The following DNAJB13 variants were observed in gnomAD, a reference collection of about 807,000 sequenced individuals.
DNAJB13 encodes DnaJ heat shock protein family (Hsp40) member B13, also known as dnaJ homolog subfamily B member 13.
Under a neutral mutation model 35.6 loss-of-function variants are expected in DNAJB13, and 22 were observed. The ratio of observed to expected loss-of-function variants is 0.62; its 90% CI spans 0.44 to 0.88. The LOEUF is 0.88. Among genes scored for constraint, DNAJB13 ranks in the 40% least tolerant of loss-of-function variants. The pLI, the probability that DNAJB13 is intolerant of heterozygous loss-of-function variation, is 0.00. For missense variants in DNAJB13, 370 were observed against 384.3 expected, an observed-to-expected ratio of 0.96 and a Z score of 0.31; for synonymous variants, 136 against 144.2, an observed-to-expected ratio of 0.94 and a Z score of 0.41.
At chr11:73,958,951 G>C (rs1039353579) in intron 2 of DNAJB13, among the ~76,000 whole-genome samples, 2 of 152,180 alleles carry the variant, frequency 1.3e-5, no homozygotes, top group African/African-American at 2.4e-5. Flanking sequence ...GGGCCGTCCT[G>C]CGGGGCTTTC....
At chr11:73,963,477 G>C (rs921640639) in intron 3 of DNAJB13, among the ~76,000 whole-genome samples, 4 of 152,186 alleles carry the variant, frequency 2.6e-5, no homozygotes, top group African/African-American at 7.2e-5. Flanking sequence ...CGCTCATTGG[G>C]AAAGGTCAGG....
chr11:73,960,528 G>A (rs982140783), intron 3 of DNAJB13, among the ~76,000 whole-genome samples: 2 of 151,962 alleles, frequency 1.3e-5, no homozygotes, highest in African/African-American at 4.8e-5. Flanking sequence ...CGCCATGTTG[G>A]CCAGGCTGGT....
At chr11:73,955,331 C>CG (rs1950710968) in intron 1 of DNAJB13, among the ~76,000 whole-genome samples, 1 of 128,934 alleles carries the variant, frequency 7.8e-6, no homozygotes, top group Non-Finnish European at 1.6e-5. Flanking sequence ...TTTTTTGAAA[C>CG]GGAGTCTCTC....
intron 1 of DNAJB13, among the ~76,000 whole-genome samples, chr11:73,953,774 G>A (rs949478988): frequency 6.6e-6 from 1 of 151,804 alleles, no homozygotes; most frequent in African/African-American, 2.4e-5. Flanking sequence ...AAAACAATAT[G>A]AGATGGTCGC....
chr11:73,952,667 C>T (rs1207411539), intron 1 of DNAJB13, among the ~76,000 whole-genome samples: 1 of 152,126 alleles, frequency 6.6e-6, no homozygotes, highest in Admixed American at 6.5e-5. Context: ...AAGGACCCAT[C>T]CAGGGAAAGG....
At chr11:73,960,943 T>C (rs1950916538) in intron 3 of DNAJB13, among the ~76,000 whole-genome samples, 2 of 152,290 alleles carry the variant, frequency 1.3e-5, no homozygotes, top group African/African-American at 4.8e-5. Context: ...AAATACTGTT[T>C]TAGCCACGTG....
chr11:73,958,192 A>T, intron 1 of DNAJB13, 125 bp from the exon 2 acceptor site: 1 of 928,440 alleles, frequency 1.1e-6, no homozygotes, highest in Non-Finnish European at 1.7e-6. Flanking sequence ...CGCAGCCACC[A>T]CAGCTGGTGA....
In DNAJB13 at chr11:73,968,327, T is replaced by G. The variant is rs1565178892; in HGVS notation, c.607-18T>G. On this transcript the variant is annotated intron_variant, in intron 5 of 7. Coordinates refer to ENST00000339764, the MANE Select transcript of DNAJB13 (RefSeq NM_153614.4). ...ACGGCCAACTAGTCCTTGTCACCTT[T>G]TGGCGTCCCCTGCCCAGGGCCCCAA... The G allele has an allele frequency of 2.5e-6, 4 of 1,612,668 alleles. No homozygotes were observed. Among genetic ancestry groups the G allele is most frequent in the Non-Finnish European group, 2.5e-6 (3 of 1,178,656 alleles).
intron 3 of DNAJB13, chr11:73,963,514 T>A (rs1950993101): frequency 6.6e-6 from 1 of 152,134 alleles, no homozygotes; most frequent in African/African-American, 2.4e-5. Flanking sequence ...CCTCAGGCAG[T>A]GCCCAGAAGC....
chr11:73,969,174 C>T, intron 6 of DNAJB13, 72 bp from the exon 7 acceptor site: 2 of 727,218 alleles, frequency 2.8e-6, no homozygotes, highest in East Asian at 2.7e-5. Flanking sequence ...GGACAGGTTC[C>T]TAAGGTGCCT....
chr11:73,963,316 G>C (rs1250976168), intron 3 of DNAJB13, among the ~76,000 whole-genome samples: 1 of 150,846 alleles, frequency 6.6e-6, no homozygotes, highest in African/African-American at 2.4e-5. Context: ...TTGCACTCCA[G>C]CCTGGGCAAC....
At chr11:73,959,756 T>C in intron 3 of DNAJB13, 101 bp downstream of exon 3, 1 of 1,097,580 alleles carries the variant, frequency 9.1e-7, no homozygotes. Flanking sequence ...CTTTATTATT[T>C]TATTTTATTT....
At chr11:73,954,039 T>TATTATTATTAATAAA (rs1464118516) in intron 1 of DNAJB13, among the ~76,000 whole-genome samples, 18 of 145,260 alleles carry the variant, frequency 1.2e-4, no homozygotes, top group African/African-American at 4.4e-4. Context: ...ATAATAATAA[T>TATTATTATTAATAAA]AATGGCTGGA....
intron 3 of DNAJB13, among the ~76,000 whole-genome samples, chr11:73,961,246 C>T (rs1950924751): frequency 1.3e-5 from 2 of 152,072 alleles, no homozygotes; most frequent in African/African-American, 4.8e-5. Context: ...GGCCACTGCA[C>T]TCCAGCCTGG....
chr11:73,955,026 C>T (rs535354145), intron 1 of DNAJB13, among the ~76,000 whole-genome samples: 4 of 152,104 alleles, frequency 2.6e-5, no homozygotes, highest in Admixed American at 2.0e-4. Flanking sequence ...GTCCTTAACC[C>T]TTCTCCCCTG....
chr11:73,953,745 T>A (rs117609582), intron 1 of DNAJB13, among the ~76,000 whole-genome samples: 4,473 of 152,112 alleles, frequency 0.029, 87 homozygotes, highest in Non-Finnish European at 0.045. Flanking sequence ...TGCTTTTTTT[T>A]AAAACAGGTA....
At chr11:73,966,781 C>G (rs905030115) in intron 5 of DNAJB13, among the ~76,000 whole-genome samples, 4 of 151,356 alleles carry the variant, frequency 2.6e-5, no homozygotes, top group Non-Finnish European at 5.9e-5. Context: ...TGGATTCAAG[C>G]AATTATCCTG....
chr11:73,960,109 G>C (rs1334627747), intron 3 of DNAJB13, among the ~76,000 whole-genome samples: 1 of 152,100 alleles, frequency 6.6e-6, no homozygotes, highest in Non-Finnish European at 1.5e-5. Flanking sequence ...CATTGCAAAA[G>C]AAAAAGTAAA....
chr11:73,957,787 T>A (rs1448533061), intron 1 of DNAJB13, among the ~76,000 whole-genome samples: 1 of 152,154 alleles, frequency 6.6e-6, no homozygotes, highest in African/African-American at 2.4e-5. Context: ...TGCCTGTGTG[T>A]CTGCTCCGGT....
Sources: gnomAD v4.1 joint callset for allele counts (sites outside exome capture counted in the v4.1 genomes callset) on GRCh38, gnomAD v4.1.1 for gene constraint, MANE v1.5 for transcripts, NCBI Gene and HGNC (gene_info 2026-07-23, HGNC 2026-07-21) for gene names.